SLC7A5: variants seen among roughly 807,000 people sequenced by gnomAD.
The protein encoded by SLC7A5 is large neutral amino acids transporter small subunit 1.
A neutral mutation model predicts 50.2 loss-of-function variants in SLC7A5; 23 were observed. That is an observed-to-expected ratio of 0.46 (90% CI 0.33 to 0.65). SLC7A5 has a LOEUF of 0.65. SLC7A5 is among the 30% of genes least tolerant of loss of function. The probability of loss-of-function intolerance (pLI) is 0.02; values close to 1 mark genes in which losing one functional copy is unlikely to be tolerated. For synonymous variants in SLC7A5, 393 were observed against 330.6 expected (o/e 1.19, Z -2.05); for missense variants, 578 against 684.4 (o/e 0.84, Z 1.73).
intron 1 of SLC7A5, chr16:87,863,773 C>A (rs1025036313): frequency 6.6e-6 from 1 of 151,618 alleles, no homozygotes; most frequent in African/African-American, 2.4e-5. Context: ...CGTGCCTGGG[C>A]GACTGAAAAG....
chr16:87,868,215 A>C (rs1166153054), intron 1 of SLC7A5, among the ~76,000 whole-genome samples: 1 of 152,124 alleles, frequency 6.6e-6, no homozygotes, highest in East Asian at 1.9e-4. Flanking sequence ...ATGCCCACCA[A>C]AACAGGAGCC....
chr16:87,834,844 C>G (rs1001072684), intron 8 of SLC7A5, among the ~76,000 whole-genome samples: 1 of 152,220 alleles, frequency 6.6e-6, no homozygotes, highest in African/African-American at 2.4e-5. Context: ...CTTCGTCTCC[C>G]GAGGCCTCCC....
At chr16:87,836,074 G>T (rs903703616) in intron 8 of SLC7A5, among the ~76,000 whole-genome samples, 1 of 152,240 alleles carries the variant, frequency 6.6e-6, no homozygotes, top group Non-Finnish European at 1.5e-5. Flanking sequence ...TGGGGACGGG[G>T]AGAGTCCAGG....
intron 1 of SLC7A5, among the ~76,000 whole-genome samples, chr16:87,854,845 TGG>T (rs2055295061): frequency 6.6e-6 from 1 of 152,208 alleles, no homozygotes; most frequent in Admixed American, 6.5e-5. Context: ...CCAGAGGAGC[TGG>T]GGTGCCTTGG....
At position 87,863,311 on chromosome 16, in the gene SLC7A5, G is replaced by A. The variant is rs1366488496; in HGVS notation, c.538+5574C>T. Among the ~76,000 whole-genome samples the A allele has an allele frequency of 5.3e-5, 8 of 152,100 alleles. No individual in the cohort carries two copies. The East Asian group carries it at 9.6e-4, about 18-fold the overall frequency. Reference sequence around the variant, plus strand: ...CTGAGAACTCGCCTGGATCAGTGCCGGGCCACAGTGGACCGGGACTTTGAG... The same window carrying A: ...CTGAGAACTCGCCTGGATCAGTGCCAGGCCACAGTGGACCGGGACTTTGAG... On this transcript the variant is annotated intron_variant, in intron 1 of 9. Coordinates refer to ENST00000261622, the MANE Select transcript of SLC7A5 (RefSeq NM_003486.7).
At chr16:87,864,710 A>G (rs2055439954) in intron 1 of SLC7A5, among the ~76,000 whole-genome samples, 1 of 152,254 alleles carries the variant, frequency 6.6e-6, no homozygotes, top group Non-Finnish European at 1.5e-5. Context: ...GAGTCCTGTA[A>G]ACAGTTGCTA....
chr16:87,836,857 GGAGGAGGGAAGGAGGGAGGA>G (rs1197465660), intron 7 of SLC7A5: 162 of 552,606 alleles, frequency 2.9e-4, no homozygotes, highest in Middle Eastern at 1.9e-3. Context: ...GAAGAGGCGG[GGAGGAGGGAAGGAGGGAGGA>G]GAGGAGGGAA....
At chr16:87,857,398 CCTCCTGCCTCAGT>C (rs1370513401) in intron 1 of SLC7A5, among the ~76,000 whole-genome samples, 1 of 152,154 alleles carries the variant, frequency 6.6e-6, no homozygotes, top group Non-Finnish European at 1.5e-5. Flanking sequence ...CCTGCCTCAG[CCTCCTGCCTCAGT>C]AGCTGGGATT....
chr16:87,839,474 T>TG (rs1462438127), intron 5 of SLC7A5, among the ~76,000 whole-genome samples: 1 of 152,180 alleles, frequency 6.6e-6, no homozygotes, highest in African/African-American at 2.4e-5. Context: ...CCTTCTCCCC[T>TG]TTGACTCCCC....
At position 87,830,267 on chromosome 16, in the gene SLC7A5, G is replaced by A. The variant is rs1360766079; in HGVS notation, c.*2703C>T. On this transcript the variant is annotated 3_prime_UTR_variant, in exon 10 of 10. Coordinates refer to ENST00000261622, the MANE Select transcript of SLC7A5 (RefSeq NM_003486.7). Reference sequence around the variant, plus strand: ...CTGCGCCACGCAGAGCAGCAAGGCTGAGCATGACCACTGGAAATAAATAAA... The same window carrying A: ...CTGCGCCACGCAGAGCAGCAAGGCTAAGCATGACCACTGGAAATAAATAAA... 1 of 152,254 alleles carries A rather than the reference G, an allele frequency of 6.6e-6. No individual in the cohort carries two copies. The highest frequency in any genetic ancestry group is 6.5e-5 in the Admixed American group (1 of 15,288). 9.4% of individuals were successfully genotyped at this position (152,254 alleles called of 1,614,324 possible). A position where few individuals can be genotyped will look rare whatever the true frequency, so the allele number is the denominator to read the frequency against.
chr16:87,867,267 A>G (rs1448148603), intron 1 of SLC7A5, among the ~76,000 whole-genome samples: 1 of 152,216 alleles, frequency 6.6e-6, no homozygotes, highest in South Asian at 2.1e-4. Context: ...TGCGTAAGCT[A>G]CTATCCATGT....
chr16:87,833,760 A>G lies in SLC7A5; in HGVS notation c.1468+654T>C, dbSNP rs1260896185. On this transcript the variant is annotated intron_variant, in intron 9 of 9. Transcript: ENST00000261622. The surrounding 1 kb of genome is among the most constrained non-coding windows in gnomAD (Gnocchi z 6.0). ...GGCCTTTTTCTACGAGCCTGGCCAC[A>G]TTTGCAGGCGCTGAGGACGGGGTCC... 6.6e-6 allele frequency among the ~76,000 whole-genome samples: 1 copy of G among 151,538 alleles called. No individual in the cohort carries two copies. The highest frequency in any genetic ancestry group is 2.4e-5 in the African/African-American group (1 of 41,206).
At chr16:87,864,827 T>G (rs1290115617) in intron 1 of SLC7A5, among the ~76,000 whole-genome samples, 1 of 152,214 alleles carries the variant, frequency 6.6e-6, no homozygotes. Context: ...ACTTCCCAAG[T>G]AAAAAGCACT....
intron 1 of SLC7A5, among the ~76,000 whole-genome samples, chr16:87,867,733 G>A (rs1261375254): frequency 6.6e-6 from 1 of 152,166 alleles, no homozygotes; most frequent in Non-Finnish European, 1.5e-5. Flanking sequence ...GGATGAATCT[G>A]AGAATTGCCA....
chr16:87,855,667 T>G (rs1017156452), intron 1 of SLC7A5, among the ~76,000 whole-genome samples: 4 of 151,990 alleles, frequency 2.6e-5, no homozygotes, highest in African/African-American at 9.7e-5. Flanking sequence ...GTCCAGCTCC[T>G]GATAAAATCC....
At chr16:87,855,135 G>T (rs928999371) in intron 1 of SLC7A5, among the ~76,000 whole-genome samples, 6 of 152,210 alleles carry the variant, frequency 3.9e-5, no homozygotes, top group African/African-American at 1.4e-4. Flanking sequence ...GATTGGGGAC[G>T]CGGCCAGCCC....
chr16:87,851,960 A>C, intron 1 of SLC7A5, 111 bp from the exon 2 acceptor site: 10 of 1,337,838 alleles, frequency 7.5e-6, no homozygotes, highest in African/African-American at 1.4e-5. Flanking sequence ...CCACCAGAAA[A>C]ACAAGCTCCT....
At chr16:87,857,471 C>G (rs1439176230) in intron 1 of SLC7A5, among the ~76,000 whole-genome samples, 1 of 152,234 alleles carries the variant, frequency 6.6e-6, no homozygotes, top group East Asian at 1.9e-4. Context: ...TTAGTAGAGA[C>G]AAGCGTTCAC....
At chr16:87,849,713 C>G (rs949734950) in intron 2 of SLC7A5, among the ~76,000 whole-genome samples, 6 of 152,098 alleles carry the variant, frequency 3.9e-5, no homozygotes, top group African/African-American at 1.4e-4. Flanking sequence ...GCTCGTCTTG[C>G]CTTGAGTAAG....
Sources: allele counts gnomAD v4.1 joint callset (sites outside exome capture counted in the v4.1 genomes callset), GRCh38; gene constraint gnomAD v4.1.1; non-coding constraint Gnocchi (gnomAD v3.1); transcripts MANE v1.5; gene names NCBI Gene and HGNC (gene_info 2026-07-23, HGNC 2026-07-21).